GPALPP1: variants seen among roughly 807,000 people sequenced by gnomAD.
GPALPP1 encodes the protein GPALPP motifs-containing protein 1.
Under a neutral mutation model 38.9 loss-of-function variants are expected in GPALPP1, and 30 were observed. The ratio of observed to expected loss-of-function variants is 0.77; its 90% CI spans 0.58 to 1.05. The LOEUF (loss-of-function observed/expected upper bound fraction) is 1.05. Ranked by LOEUF, GPALPP1 falls within the 50% of genes least tolerant of loss-of-function variation. The pLI is 0.00. For missense variants in GPALPP1, 384 were observed against 408.8 expected, an observed-to-expected ratio of 0.94 and a Z score of 0.52; for synonymous variants, 120 against 139.2, an observed-to-expected ratio of 0.86 and a Z score of 0.97.
intron 2 of GPALPP1, chr13:45,005,237 T>G (rs1874004690): frequency 6.6e-6 from 1 of 151,742 alleles, no homozygotes; most frequent in Admixed American, 6.6e-5. Flanking sequence ...TAGCTGGAAC[T>G]ACAGGTGTGT....
intron 2 of GPALPP1, 41 bp downstream of exon 2, chr13:45,004,478 G>A: frequency 6.7e-7 from 1 of 1,497,738 alleles, no homozygotes. Context: ...CCAAACTTCA[G>A]AGCTAGTATA....
At chr13:45,003,059 TTGGA>T (rs1381997663) in intron 1 of GPALPP1, among the ~76,000 whole-genome samples, 4 of 152,212 alleles carry the variant, frequency 2.6e-5, no homozygotes, top group African/African-American at 9.6e-5. Flanking sequence ...ATAACTGTTG[TTGGA>T]TGGATGGTTG....
At chr13:45,023,905 A>G (rs1875590793) in intron 7 of GPALPP1, among the ~76,000 whole-genome samples, 1 of 152,130 alleles carries the variant, frequency 6.6e-6, no homozygotes, top group Admixed American at 6.6e-5. Context: ...ACTCCTTTGT[A>G]TTGGCATCCT....
rs1872599844 is a variant in GPALPP1 at position 44,989,562 on chromosome 13, T to C, written c.-93T>C. ...CGTCATTTCTCGGCGCCGGGAAACC[T>C]GCCATTCTTCGCTGCTGATCGCGGG... On this transcript the variant is annotated 5_prime_UTR_variant, in exon 1 of 8. Transcript: ENST00000379151. 1.3e-6 allele frequency: 2 copies of C among 1,487,984 alleles called. No individual in the cohort carries two copies. Among genetic ancestry groups the C allele is most frequent in the African/African-American group, 1.4e-5 (1 of 72,034 alleles). 92.2% of individuals were successfully genotyped at this position (1,487,984 alleles called of 1,614,324 possible). A position where few individuals can be genotyped will look rare whatever the true frequency, so the allele number is the denominator to read the frequency against.
intron 1 of GPALPP1, among the ~76,000 whole-genome samples, chr13:44,996,784 C>CTT (rs770919969): frequency 0.028 from 2,257 of 79,262 alleles, 61 homozygotes; most frequent in African/African-American, 0.049. Flanking sequence ...TGCCCAGCCT[C>CTT]TTTTTTTTTT....
At chr13:44,998,379 G>A (rs1257070209) in intron 1 of GPALPP1, among the ~76,000 whole-genome samples, 1 of 151,796 alleles carries the variant, frequency 6.6e-6, no homozygotes, top group Non-Finnish European at 1.5e-5. Flanking sequence ...CTGTCTCTGG[G>A]TCTTCTATTT....
intron 1 of GPALPP1, among the ~76,000 whole-genome samples, chr13:45,001,372 T>C (rs1056322317): frequency 1.3e-5 from 2 of 152,230 alleles, no homozygotes; most frequent in African/African-American, 2.4e-5. Flanking sequence ...CATAGCAGCA[T>C]GAGAACGGAC....
At chr13:45,003,126 C>T (rs1039612169) in intron 1 of GPALPP1, among the ~76,000 whole-genome samples, 1 of 152,140 alleles carries the variant, frequency 6.6e-6, no homozygotes, top group African/African-American at 2.4e-5. Context: ...GCTTTGAAAT[C>T]AGACTCCTGG....
intron 1 of GPALPP1, 157 bp downstream of exon 1, chr13:44,989,899 G>T (rs113161947): frequency 2.0e-5 from 12 of 609,462 alleles, no homozygotes; most frequent in South Asian, 3.8e-5. Context: ...ACAGTAGCAG[G>T]GGGGAGGAGG....
rs1875960775 is a variant in GPALPP1, at chr13:45,027,980, G to A, written c.1000G>A (p.Gly334Ser). 5.6e-6 allele frequency: 9 copies of A among 1,593,932 alleles called. No homozygotes were observed. Among genetic ancestry groups the A allele is most frequent in the Non-Finnish European group, 6.9e-6 (8 of 1,162,530 alleles). The change falls in exon 8 of 8, where the codon GGC (glycine) becomes AGC (serine). Residue 334 changes from glycine to serine, a missense_variant. Coordinates refer to ENST00000379151, the MANE Select transcript of GPALPP1 (RefSeq NM_018559.5). ...AGAACTAAACACCAGATTTTCACAC[G>A]GCAAAGGCAATATGTTTTTATAAGT... ...SRELNTRFSH[G>S]KGNMFL
chr13:45,007,611 G>A (rs1387906534), intron 3 of GPALPP1, among the ~76,000 whole-genome samples: 3 of 152,144 alleles, frequency 2.0e-5, no homozygotes, highest in Non-Finnish European at 4.4e-5. Context: ...AAATTGTTCT[G>A]CTCAAAGAAG....
downstream of GPALPP1, chr13:45,033,265 C>A (rs1269048898): frequency 6.6e-6 from 1 of 152,052 alleles, no homozygotes; most frequent in Non-Finnish European, 1.5e-5. Context: ...AAAGTTATTT[C>A]TTGAGTTACA....
At chr13:44,992,603 A>C (rs946466849) in intron 1 of GPALPP1, among the ~76,000 whole-genome samples, 7 of 152,138 alleles carry the variant, frequency 4.6e-5, no homozygotes, top group Non-Finnish European at 1.0e-4. Context: ...CAGCTTTCAC[A>C]TTTATATTTG....
chr13:44,993,220 A>T (rs1052626944), intron 1 of GPALPP1, among the ~76,000 whole-genome samples: 1 of 152,206 alleles, frequency 6.6e-6, no homozygotes, highest in Non-Finnish European at 1.5e-5. Flanking sequence ...GTTGCTATGT[A>T]TGCTATTGTG....
At chr13:44,993,216 A>C (rs934813094) in intron 1 of GPALPP1, among the ~76,000 whole-genome samples, 1 of 152,156 alleles carries the variant, frequency 6.6e-6, no homozygotes, top group African/African-American at 2.4e-5. Flanking sequence ...TTGGGTTGCT[A>C]TGTATGCTAT....
chr13:45,021,366 A>T (rs1002945934), intron 7 of GPALPP1, among the ~76,000 whole-genome samples: 1 of 152,246 alleles, frequency 6.6e-6, no homozygotes, highest in Admixed American at 6.5e-5. Flanking sequence ...AAACGTAGCC[A>T]CTTGAAGTAT....
At chr13:45,020,300 A>G (rs777485778) in intron 6 of GPALPP1, 30 bp from the exon 7 acceptor site, 4 of 797,260 alleles carry the variant, frequency 5.0e-6, no homozygotes, top group South Asian at 1.5e-5. Context: ...CTTATGATTC[A>G]GTAATGTGTT....
chr13:45,008,127 T>C (rs147885704), intron 3 of GPALPP1, among the ~76,000 whole-genome samples: 1 of 152,346 alleles, frequency 6.6e-6, no homozygotes. Context: ...TGACTTACAC[T>C]GACCAGGATT....
At chr13:45,027,640 G>A in intron 7 of GPALPP1, 145 bp from the exon 8 acceptor site, 1 of 512,614 alleles carries the variant, frequency 2.0e-6, no homozygotes, top group East Asian at 3.1e-5. Context: ...TGCTGTCTTG[G>A]ATTTGGAAAA....
Sources: allele counts gnomAD v4.1 joint callset (sites outside exome capture counted in the v4.1 genomes callset), GRCh38; gene constraint gnomAD v4.1.1; transcripts MANE v1.5; gene names NCBI Gene and HGNC (gene_info 2026-07-23, HGNC 2026-07-21).